Variants in TNKS observed in about 807,000 individuals in gnomAD.
TNKS encodes tankyrase.
A neutral mutation model predicts 135.8 loss-of-function variants in TNKS; 72 were observed. The observed-to-expected ratio is 0.53, with a 90% CI of 0.44 to 0.64. TNKS has a LOEUF of 0.64. TNKS is among the 30% of genes least tolerant of loss of function. TNKS has a pLI of 0.00. For missense variants in TNKS, 1,769 were observed against 1,674.0 expected, an observed-to-expected ratio of 1.06 and a Z score of -0.99; for synonymous variants, 849 against 649.3, an observed-to-expected ratio of 1.31 and a Z score of -4.68.
intron 1 of TNKS, chr8:9,575,417 T>C (rs1282327202): frequency 1.0e-6 from 1 of 985,236 alleles, no homozygotes; most frequent in African/African-American, 1.7e-5. Flanking sequence ...AACTCTACCC[T>C]ACTAGATATC....
intron 25 of TNKS, among the ~76,000 whole-genome samples, chr8:9,768,546 A>C (rs1409629268): frequency 6.6e-6 from 1 of 152,252 alleles, no homozygotes; most frequent in Non-Finnish European, 1.5e-5. Context: ...GCCAGTGAGC[A>C]GACTTGAGCC....
At chr8:9,635,360 A>G (rs1266660962) in intron 3 of TNKS, among the ~76,000 whole-genome samples, 2 of 152,234 alleles carry the variant, frequency 1.3e-5, no homozygotes, top group African/African-American at 4.8e-5. Flanking sequence ...GTGGTAATAC[A>G]TGAACGAATG....
chr8:9,560,777 T>C (rs1797297664), intron 1 of TNKS, among the ~76,000 whole-genome samples: 1 of 152,064 alleles, frequency 6.6e-6, no homozygotes, highest in Non-Finnish European at 1.5e-5. Context: ...CTTCCCAGAC[T>C]TAAAATTGTT....
chr8:9,634,661 A>G (rs1202866824), intron 3 of TNKS, among the ~76,000 whole-genome samples: 1 of 152,198 alleles, frequency 6.6e-6, no homozygotes, highest in Non-Finnish European at 1.5e-5. Context: ...TTGAAGTTGT[A>G]GGCATCAGAA....
chr8:9,699,674 C>T (rs924362814), intron 5 of TNKS, among the ~76,000 whole-genome samples: 6 of 152,190 alleles, frequency 3.9e-5, no homozygotes, highest in Non-Finnish European at 5.9e-5. Context: ...CTCAGCTACT[C>T]CTACTTAGAT....
intron 3 of TNKS, among the ~76,000 whole-genome samples, chr8:9,618,195 C>T (rs1799724429): frequency 6.6e-6 from 1 of 152,150 alleles, no homozygotes; most frequent in Admixed American, 6.5e-5. Context: ...CCATGCTGGC[C>T]AGGCTGATCT....
In TNKS at chr8:9,611,455, T is replaced by C. The variant is rs1054033027; in HGVS notation, c.899-4127T>C. ...GACACTGTATCATCAAGCAATGTGG[T>C]ACTTTTTCAGAAAAATCTGTTTTAT... On this transcript the variant is annotated intron_variant, in intron 2 of 26. Transcript: ENST00000310430. Among the ~76,000 whole-genome samples the C allele has an allele frequency of 2.8e-4, 43 of 152,252 alleles. 1 individual carries two copies. The highest frequency in any genetic ancestry group is 8.0e-4 in the African/African-American group (33 of 41,470).
intron 2 of TNKS, among the ~76,000 whole-genome samples, chr8:9,614,167 G>T (rs1585232157): frequency 1.3e-5 from 2 of 152,206 alleles, no homozygotes; most frequent in East Asian, 3.9e-4. Context: ...AAAAAAACAT[G>T]TTGTTACAAT....
chr8:9,612,757 C>T (rs76368474), intron 2 of TNKS, among the ~76,000 whole-genome samples: 12,604 of 152,046 alleles, frequency 0.083, 558 homozygotes, highest in South Asian at 0.18. Flanking sequence ...CGTTGAACAA[C>T]GTGCAGTTTA....
intron 2 of TNKS, among the ~76,000 whole-genome samples, chr8:9,613,362 A>G (rs1455516957): frequency 1.1e-4 from 16 of 152,144 alleles, no homozygotes; most frequent in Admixed American, 1.0e-3. Flanking sequence ...TTGTCACTTT[A>G]TGTTCTAATT....
intron 2 of TNKS, among the ~76,000 whole-genome samples, chr8:9,612,888 A>G (rs1364791483): frequency 2.0e-5 from 3 of 152,346 alleles, no homozygotes; most frequent in African/African-American, 7.2e-5. Flanking sequence ...TTGTATTCTT[A>G]TAGTAAAGCA....
chr8:9,697,365 A>T (rs1803566746), intron 5 of TNKS, among the ~76,000 whole-genome samples: 1 of 152,160 alleles, frequency 6.6e-6, no homozygotes, highest in African/African-American at 2.4e-5. Context: ...AAAACCTAGG[A>T]AATACCATCC....
chr8:9,749,530 A>G (rs1343479469), intron 18 of TNKS, among the ~76,000 whole-genome samples: 9 of 147,628 alleles, frequency 6.1e-5, no homozygotes, highest in African/African-American at 1.8e-4. Context: ...GCCAGAGTGC[A>G]GTGGCGTGAT....
chr8:9,673,669 C>T (rs993682552), intron 3 of TNKS, among the ~76,000 whole-genome samples: 1 of 152,018 alleles, frequency 6.6e-6, no homozygotes, highest in Non-Finnish European at 1.5e-5. Flanking sequence ...TGGTATTGAA[C>T]TCCTGACCTC....
intron 2 of TNKS, among the ~76,000 whole-genome samples, chr8:9,590,503 T>C (rs1798550563): frequency 6.6e-6 from 1 of 152,222 alleles, no homozygotes; most frequent in African/African-American, 2.4e-5. Context: ...GTTTGCCATC[T>C]GTGTACTCTT....
rs778040293 is a variant in TNKS, at chr8:9,706,961, A to G, written c.1420A>G (p.Met474Val). 1.9e-6 allele frequency: 3 copies of G among 1,611,160 alleles called. No individual in the cohort carries two copies. The highest frequency in any genetic ancestry group is 2.5e-6 in the Non-Finnish European group (3 of 1,178,908). Residue 474 changes from methionine (M) to valine (V), a missense_variant, in exon 8 of 27, where the codon ATG becomes GTG. Coordinates refer to ENST00000310430, the MANE Select transcript of TNKS (RefSeq NM_003747.3). ...VNCHGKSAVD[M>V]APTPELRERL... ...CTGCCATGGCAAAAGTGCTGTGGAT[A>G]TGGCTCCAACTCCGGAGCTTAGGGA...
rs534587480 is a variant in TNKS at position 9,718,794 on chromosome 8, G to A, written c.1750-1580G>A. On this transcript the variant is annotated intron_variant, in intron 11 of 26. Coordinates refer to ENST00000310430, the MANE Select transcript of TNKS (RefSeq NM_003747.3). ...CCACAGTTGAGGGGTAACATTAAAT[G>A]TAGGAGTCTCTTTATTTGAGACAGT... Among the ~76,000 whole-genome samples, 34 of 152,298 alleles carry A rather than the reference G, an allele frequency of 2.2e-4. 1 individual carries two copies. In the South Asian group the frequency reaches 6.8e-3, roughly 31 times the overall value.
At chr8:9,624,969 T>A (rs1800003427) in intron 3 of TNKS, among the ~76,000 whole-genome samples, 1 of 152,174 alleles carries the variant, frequency 6.6e-6, no homozygotes, top group African/African-American at 2.4e-5. Context: ...TGTAGTTGCT[T>A]GAATCCATAA....
chr8:9,687,619 T>C (rs1161119108), intron 5 of TNKS, among the ~76,000 whole-genome samples: 1 of 152,192 alleles, frequency 6.6e-6, no homozygotes. Context: ...GAATTTTTAG[T>C]AGAAGGGGAC....
Sources: allele counts gnomAD v4.1 joint callset (sites outside exome capture counted in the v4.1 genomes callset), GRCh38; gene constraint gnomAD v4.1.1; transcripts MANE v1.5; gene names NCBI Gene and HGNC (gene_info 2026-07-23, HGNC 2026-07-21).